The following RBFOX1 variants were observed in gnomAD, a reference collection of about 807,000 sequenced individuals.
RBFOX1 encodes RNA binding protein fox-1 homolog 1.
In RBFOX1, 8 loss-of-function variants were observed where a neutral mutation model predicts 57.7. The observed-to-expected ratio is 0.14, with a 90% CI of 0.08 to 0.25. RBFOX1 has a LOEUF of 0.25. Ranked by LOEUF, RBFOX1 falls within the 10% of genes least tolerant of loss-of-function variation. RBFOX1 has a pLI of 1.00. For synonymous variants in RBFOX1, 326 were observed against 222.4 expected, an observed-to-expected ratio of 1.47 and a Z score of -4.15; for missense variants, 611 against 548.5, an observed-to-expected ratio of 1.11 and a Z score of -1.14.
At chr16:7,697,227 G>A (rs539848495) in intron 14 of RBFOX1, among the ~76,000 whole-genome samples, 1 of 152,192 alleles carries the variant, frequency 6.6e-6, no homozygotes, top group African/African-American at 2.4e-5. Flanking sequence ...GTGGCTGTGG[G>A]TGAGAAGTGG....
chr16:5,387,868 AG>A (rs1332769323), intron 1 of RBFOX1, among the ~76,000 whole-genome samples: 2 of 152,302 alleles, frequency 1.3e-5, no homozygotes, highest in East Asian at 3.9e-4. Flanking sequence ...TGTAATCATG[AG>A]AGTTCTTACA....
intron 3 of RBFOX1, chr16:6,705,170 G>C (rs936137238): frequency 2.6e-5 from 4 of 152,154 alleles, no homozygotes; most frequent in African/African-American, 4.8e-5. Flanking sequence ...GGCAGACCCA[G>C]CCCAGCCATT....
intron 1 of RBFOX1, among the ~76,000 whole-genome samples, chr16:5,439,039 G>T (rs529276322): frequency 6.7e-6 from 1 of 149,810 alleles, no homozygotes; most frequent in African/African-American, 2.4e-5. Flanking sequence ...TAATGGGGGG[G>T]GGGGCATAGT....
intron 1 of RBFOX1, among the ~76,000 whole-genome samples, chr16:5,369,066 A>G (rs2065796306): frequency 6.6e-6 from 1 of 151,856 alleles, no homozygotes; most frequent in Non-Finnish European, 1.5e-5. Context: ...CAGTGGCGCC[A>G]TCTTGGTTCA....
chr16:7,314,976 C>G (rs1270886003), intron 4 of RBFOX1, among the ~76,000 whole-genome samples: 1 of 152,136 alleles, frequency 6.6e-6, no homozygotes, highest in African/African-American at 2.4e-5. Context: ...ACAGAAAGCT[C>G]TAATTTTAAC....
intron 13 of RBFOX1, among the ~76,000 whole-genome samples, chr16:7,665,324 A>T (rs1057118130): frequency 2.0e-5 from 3 of 152,224 alleles, no homozygotes; most frequent in East Asian, 1.9e-4. Flanking sequence ...TTAGGATAAC[A>T]GCTGTAGTCA....
intron 2 of RBFOX1, among the ~76,000 whole-genome samples, chr16:5,553,154 G>C (rs73522784): frequency 0.026 from 3,957 of 152,134 alleles, 189 homozygotes; most frequent in African/African-American, 0.089. Flanking sequence ...CTGGGGGAGA[G>C]ATAGCATTAG....
chr16:6,822,493 A>G (rs888819969), intron 3 of RBFOX1, among the ~76,000 whole-genome samples: 1 of 152,224 alleles, frequency 6.6e-6, no homozygotes, highest in Non-Finnish European at 1.5e-5. Flanking sequence ...ACATGCATCA[A>G]TCTGAGTTTC....
intron 3 of RBFOX1, among the ~76,000 whole-genome samples, chr16:6,875,995 T>G (rs1480122763): frequency 6.6e-6 from 1 of 151,302 alleles, no homozygotes; most frequent in Non-Finnish European, 1.5e-5. Context: ...GGAACTTGTC[T>G]CAAAAAATAA....
rs570789954 is a variant in RBFOX1, at chr16:7,022,342, C to A, written c.-15-29715C>A. ...TGCTGGGATTGCAGGCATGAACCAC[C>A]ACTGCACCTGGCCGTGAACCCCATA... On this transcript the variant is annotated intron_variant, in intron 3 of 15. Coordinates refer to ENST00000550418, the MANE Select transcript of RBFOX1 (RefSeq NM_018723.4). Among the ~76,000 whole-genome samples, 3 of 151,816 alleles carry A rather than the reference C, an allele frequency of 2.0e-5. No homozygotes were observed. In the East Asian group the frequency reaches 5.9e-4, roughly 30 times the overall value.
intron 1 of RBFOX1, among the ~76,000 whole-genome samples, chr16:6,040,524 G>A (rs2152414049): frequency 6.6e-6 from 1 of 152,276 alleles, no homozygotes; most frequent in Admixed American, 6.5e-5. Context: ...CTGCGTGGAA[G>A]CAAGTGTGAG....
rs139279296 is a variant in RBFOX1, at chr16:6,337,038, T to C, written c.-64+19981T>C. Among the ~76,000 whole-genome samples, 1,488 of 152,326 alleles carry C rather than the reference T, an allele frequency of 9.8e-3. 19 individuals carry two copies. Among genetic ancestry groups the C allele is most frequent in the African/African-American group, 0.034 (1,420 of 41,576 alleles). ...AAAATGGCATTGAGGAAAGCATTTT[T>C]CAATCTGACCCATTTTTTGGAACCC... is the stretch of plus-strand genomic sequence containing the variant. On this transcript the variant is annotated intron_variant, in intron 2 of 15. Coordinates refer to ENST00000550418, the MANE Select transcript of RBFOX1 (RefSeq NM_018723.4).
chr16:6,535,463 A>G (rs1377475381), intron 2 of RBFOX1, among the ~76,000 whole-genome samples: 5 of 152,156 alleles, frequency 3.3e-5, no homozygotes, highest in African/African-American at 1.2e-4. Flanking sequence ...ATACCACCCA[A>G]CATCCTAAAA....
intron 3 of RBFOX1, among the ~76,000 whole-genome samples, chr16:6,894,449 T>G (rs2153385708): frequency 6.6e-6 from 1 of 152,278 alleles, no homozygotes; most frequent in South Asian, 2.1e-4. Context: ...CCTTCCCGAA[T>G]TTGTGCCTTT....
chr16:6,655,759 G>C (rs547653322), intron 3 of RBFOX1, among the ~76,000 whole-genome samples: 1 of 152,202 alleles, frequency 6.6e-6, no homozygotes, highest in Non-Finnish European at 1.5e-5. Context: ...CGTTCCACAA[G>C]TTTGAAAGAT....
chr16:7,091,395 A>G (rs2060829523), intron 4 of RBFOX1, among the ~76,000 whole-genome samples: 1 of 151,920 alleles, frequency 6.6e-6, no homozygotes, highest in Admixed American at 6.6e-5. Flanking sequence ...CATTTTATAC[A>G]AACATACCTG....
At chr16:6,538,424 C>T (rs1302248230) in intron 2 of RBFOX1, among the ~76,000 whole-genome samples, 1 of 152,004 alleles carries the variant, frequency 6.6e-6, no homozygotes, top group Admixed American at 6.6e-5. Flanking sequence ...CCTGTGAGGC[C>T]GAGGCTGCAG....
chr16:6,106,244 G>C (rs2096377081), intron 1 of RBFOX1, among the ~76,000 whole-genome samples: 1 of 151,992 alleles, frequency 6.6e-6, no homozygotes, highest in Non-Finnish European at 1.5e-5. Context: ...AATCACCTGA[G>C]GTCAGGCATT....
At chr16:6,975,876 C>T (rs1348632547) in intron 3 of RBFOX1, among the ~76,000 whole-genome samples, 2 of 152,208 alleles carry the variant, frequency 1.3e-5, no homozygotes, top group African/African-American at 4.8e-5. Context: ...CCTGTAATCG[C>T]AGCACTTTGG....
Sources: allele counts gnomAD v4.1 joint callset (sites outside exome capture counted in the v4.1 genomes callset), GRCh38; gene constraint gnomAD v4.1.1; transcripts MANE v1.5; gene names NCBI Gene and HGNC (gene_info 2026-07-23, HGNC 2026-07-21).